The following KLRG1 variants were observed in gnomAD, a reference collection of about 807,000 sequenced individuals.
KLRG1 encodes the protein killer cell lectin like receptor G1.
KLRG1 carries 16 observed loss-of-function variants against 21.8 expected under a neutral mutation model. The observed-to-expected ratio is 0.73, with a 90% CI of 0.50 to 1.11. KLRG1 has a LOEUF of 1.11. KLRG1 is among the 50% of genes most tolerant of loss of function. The pLI, the probability that KLRG1 is intolerant of heterozygous loss-of-function variation, is 0.00. For missense variants in KLRG1, 173 were observed against 218.3 expected (o/e 0.79, Z 1.31); for synonymous variants, 69 against 75.9 (o/e 0.91, Z 0.47).
chr12:9,175,554 A>G, the KLRG1 span, among the ~76,000 whole-genome samples: 1 of 152,206 alleles, frequency 6.6e-6, no homozygotes, highest in Non-Finnish European at 1.5e-5. Flanking sequence ...AATTTTCCCA[A>G]TCTAACCACC....
chr12:9,109,448 T>C, the KLRG1 span: 19 of 1,469,800 alleles, frequency 1.3e-5, no homozygotes, highest in Admixed American at 3.2e-4. Context: ...GGTTTTCAAC[T>C]TTGGGGGAAT....
chr12:9,079,976 G>A, the KLRG1 span: 660 of 921,486 alleles, frequency 7.2e-4, 2 homozygotes, highest in Middle Eastern at 4.1e-3. Context: ...CAAGCCCAAA[G>A]AAGAAGAGAA....
chr12:9,038,681 T>G, the KLRG1 span, among the ~76,000 whole-genome samples: 10 of 152,104 alleles, frequency 6.6e-5, no homozygotes, highest in East Asian at 1.5e-3. Context: ...TCCCCATCTT[T>G]GAGGCTGGAG....
chr12:9,160,944 A>C, the KLRG1 span: 1 of 1,130,416 alleles, frequency 8.8e-7, no homozygotes, highest in Non-Finnish European at 1.3e-6. Context: ...GCAGCTATCA[A>C]GAACTTGATA....
At chr12:9,048,602 G>GA in the KLRG1 span, among the ~76,000 whole-genome samples, 1 of 152,030 alleles carries the variant, frequency 6.6e-6, no homozygotes, top group African/African-American at 2.4e-5. Flanking sequence ...ACAGGCTAAA[G>GA]AAAAAAACTT....
the KLRG1 span, among the ~76,000 whole-genome samples, chr12:9,065,507 C>T: frequency 8.5e-5 from 13 of 152,306 alleles, no homozygotes; most frequent in South Asian, 1.2e-3. Flanking sequence ...AGTGCTGATA[C>T]GCCAGCCCCC....
At chr12:9,194,193 A>T in the KLRG1 span, 2,712 of 1,614,102 alleles carry the variant, frequency 1.7e-3, 7 homozygotes, top group Middle Eastern at 9.4e-3. Flanking sequence ...GAGATGAAGA[A>T]GAGTTTATTG....
chr12:8,980,170 G>T (rs1946731085), intron 1 of KLRG1, among the ~76,000 whole-genome samples: 1 of 151,402 alleles, frequency 6.6e-6, no homozygotes, highest in Non-Finnish European at 1.5e-5. Context: ...CAAAGTGCTG[G>T]GATTACTGGG....
the KLRG1 span, among the ~76,000 whole-genome samples, chr12:9,076,103 T>C: frequency 6.6e-5 from 10 of 152,204 alleles, no homozygotes; most frequent in African/African-American, 1.9e-4. Flanking sequence ...ATTATTGGTC[T>C]TATGAAATGG....
chr12:9,024,056 T>C, the KLRG1 span, among the ~76,000 whole-genome samples: 37 of 118,176 alleles, frequency 3.1e-4, no homozygotes, highest in South Asian at 9.4e-3. Context: ...TGAGCCAGAG[T>C]CTCTCTCTAT....
At chr12:9,155,687 T>C in the KLRG1 span, among the ~76,000 whole-genome samples, 2 of 152,168 alleles carry the variant, frequency 1.3e-5, no homozygotes, top group African/African-American at 4.8e-5. Context: ...TTTGAATGCA[T>C]TTTGTTTTTA....
the KLRG1 span, among the ~76,000 whole-genome samples, chr12:9,032,923 C>T: frequency 2.0e-5 from 3 of 152,194 alleles, no homozygotes; most frequent in African/African-American, 7.2e-5. Context: ...TGACCACCAA[C>T]TATCCTTTAA....
the KLRG1 span, among the ~76,000 whole-genome samples, chr12:9,078,610 C>A: frequency 6.6e-6 from 1 of 152,134 alleles, no homozygotes; most frequent in Non-Finnish European, 1.5e-5. Flanking sequence ...CTTGAAGAAT[C>A]GCCATACTGT....
chr12:9,196,461 T>C, the KLRG1 span: 1 of 1,587,140 alleles, frequency 6.3e-7, no homozygotes, highest in South Asian at 1.1e-5. Flanking sequence ...AAAGAGTCAG[T>C]ACTTTTAGAA....
the KLRG1 span, among the ~76,000 whole-genome samples, chr12:9,046,030 G>T: frequency 2.6e-5 from 4 of 152,152 alleles, no homozygotes; most frequent in Non-Finnish European, 4.4e-5. Flanking sequence ...TGGGGCCTGT[G>T]GGGGGCAGGT....
At chr12:9,039,287 C>T in the KLRG1 span, among the ~76,000 whole-genome samples, 13 of 152,286 alleles carry the variant, frequency 8.5e-5, no homozygotes, top group Admixed American at 2.0e-4. Flanking sequence ...AATGAGAAAA[C>T]CAGCTTAGAT....
At chr12:9,145,424 T>G in the KLRG1 span, among the ~76,000 whole-genome samples, 1 of 152,196 alleles carries the variant, frequency 6.6e-6, no homozygotes, top group Non-Finnish European at 1.5e-5. Context: ...ACAACTTCAG[T>G]TTAATCACAT....
chr12:8,993,958 C>T (rs992857005), intron 2 of KLRG1, among the ~76,000 whole-genome samples: 6 of 152,118 alleles, frequency 3.9e-5, no homozygotes, highest in South Asian at 2.1e-4. Flanking sequence ...GTGCTTATGG[C>T]GAGTTTATGC....
the KLRG1 span, among the ~76,000 whole-genome samples, chr12:9,203,455 C>T: frequency 2.6e-5 from 4 of 151,420 alleles, no homozygotes; most frequent in African/African-American, 9.7e-5. Flanking sequence ...CATTCTCCTG[C>T]CTCAGCCTCC....
Sources: gnomAD v4.1 joint callset for allele counts (sites outside exome capture counted in the v4.1 genomes callset) on GRCh38, gnomAD v4.1.1 for gene constraint, MANE v1.5 for transcripts, NCBI Gene and HGNC (gene_info 2026-07-23, HGNC 2026-07-21) for gene names.